Variants in BRWD1 observed in about 807,000 individuals in gnomAD.
The protein encoded by BRWD1 is bromodomain and WD repeat domain containing 1.
BRWD1 carries 82 observed loss-of-function variants against 251.2 expected under a neutral mutation model. The ratio of observed to expected loss-of-function variants is 0.33; its 90% confidence interval spans 0.27 to 0.39. The LOEUF (loss-of-function observed/expected upper bound fraction) is 0.39, where lower values mean the gene tolerates loss of function less well. Ranked by LOEUF, BRWD1 falls within the 10% of genes least tolerant of loss-of-function variation. The pLI, the probability that BRWD1 is intolerant of heterozygous loss-of-function variation, is 1.00. For synonymous variants in BRWD1, 918 were observed against 902.8 expected (o/e 1.02, Z -0.30); for missense variants, 2,233 against 2,711.6 (o/e 0.82, Z 3.92).
chr21:39,293,189 A>G (rs1326543814), intron 8 of BRWD1, among the ~76,000 whole-genome samples: 1 of 152,156 alleles, frequency 6.6e-6, no homozygotes, highest in African/African-American at 2.4e-5. Flanking sequence ...AAAAACTTTA[A>G]ATATTTTGGT....
intron 8 of BRWD1, among the ~76,000 whole-genome samples, chr21:39,282,598 T>C (rs1413762133): frequency 6.6e-6 from 1 of 152,200 alleles, no homozygotes; most frequent in East Asian, 1.9e-4. Flanking sequence ...GAATTGCTAA[T>C]TGGACAAAAA....
In BRWD1 at chr21:39,293,929, T is replaced by C. The variant is rs1387880095; in HGVS notation, c.713A>G (p.Tyr238Cys). 4.3e-6 allele frequency: 7 copies of C among 1,614,178 alleles called. No individual in the cohort carries two copies. The South Asian group carries it at 7.7e-5, about 18-fold the overall frequency. The change falls in exon 8 of 41, where the codon TAT (tyrosine) becomes TGT (cysteine). Residue 238 changes from tyrosine to cysteine, a missense_variant. Tyr to Cys is a radical substitution (Grantham distance 194, BLOSUM62 -2). This residue lies in a region of BRWD1 where 185 missense variants were observed against 260.6 expected (regional missense o/e 0.71). Transcript: ENST00000342449. Reference protein sequence around the residue: ...SAEISDMAVNYENTMIAAGSC... With the variant: ...SAEISDMAVNCENTMIAAGSC... ...CCCCGCAGCAATCATTGTATTCTCA[T>C]AGTTTACTGCCATATCTGAAATTTC...
At chr21:39,241,373 C>T (rs1601360526) in intron 21 of BRWD1, among the ~76,000 whole-genome samples, 1 of 147,102 alleles carries the variant, frequency 6.8e-6, no homozygotes, top group East Asian at 2.1e-4. Flanking sequence ...GAGGCTGAGG[C>T]AGGAGAATCG....
chr21:39,278,847 T>C, intron 9 of BRWD1, 34 bp from the exon 10 acceptor site: 1 of 1,466,746 alleles, frequency 6.8e-7, no homozygotes, highest in African/African-American at 1.4e-5. Flanking sequence ...TTAAAATAGA[T>C]TATTTTACCA....
At chr21:39,290,739 A>T (rs534802916) in intron 8 of BRWD1, among the ~76,000 whole-genome samples, 24 of 152,346 alleles carry the variant, frequency 1.6e-4, no homozygotes, top group African/African-American at 5.0e-4. Context: ...CCTAGCAAGA[A>T]TTTGAATTAA....
At position 39,186,978 on chromosome 21, in the gene BRWD1, C is replaced by T; in HGVS notation, c.*9281G>A. The T allele has an allele frequency of 6.6e-7, 1 of 1,516,114 alleles. No individual in the cohort carries two copies. The highest frequency in any genetic ancestry group is 8.8e-7 in the Non-Finnish European group (1 of 1,138,342). The allele number at this position is 1,516,114 out of a possible 1,614,324, so 93.9% of individuals were successfully genotyped here. A position where few individuals can be genotyped will look rare whatever the true frequency, so the allele number is the denominator to read the frequency against. On this transcript the variant is annotated 3_prime_UTR_variant, in exon 41 of 41. Transcript: ENST00000342449. ...GGAGCAGAATGTAACTGCCAGTTTA[C>T]TTGTGTACCAATTGTTTTCAGATGC...
At chr21:39,313,650 G>A (rs893270133), upstream of BRWD1, 24 of 478,280 alleles carry the variant, frequency 5.0e-5, no homozygotes, top group African/African-American at 4.5e-4. Flanking sequence ...CGCCTCCGCG[G>A]GGGAGGAAGT....
In BRWD1 at chr21:39,188,924, C is replaced by T. The variant is rs563326628; in HGVS notation, c.*7335G>A. 4.9e-5 allele frequency: 48 copies of T among 985,312 alleles called. No individual in the cohort carries two copies. The African/African-American group carries it at 7.7e-4, about 16-fold the overall frequency. 61.0% of individuals were successfully genotyped at this position (985,312 alleles called of 1,614,324 possible). On this transcript the variant is annotated 3_prime_UTR_variant, in exon 41 of 41. Transcript: ENST00000342449. ...TTTTACCAGAGTAAGACACTCATCA[C>T]GGCATTACTCTCATGCAGCATGCCC... is the stretch of plus-strand genomic sequence containing the variant.
At chr21:39,276,020 G>T (rs545142459) in intron 12 of BRWD1, among the ~76,000 whole-genome samples, 153 bp downstream of exon 12, 4 of 151,830 alleles carry the variant, frequency 2.6e-5, no homozygotes, top group South Asian at 4.2e-4. Flanking sequence ...CAACGAGAGC[G>T]AAACTCCATC....
intron 4 of BRWD1, among the ~76,000 whole-genome samples, chr21:39,306,075 T>C (rs2036278379): frequency 2.0e-5 from 3 of 149,330 alleles, no homozygotes; most frequent in Admixed American, 6.6e-5. Flanking sequence ...TAAGTATCTT[T>C]TTTTTTTTTT....
chr21:39,220,693 A>G (rs886257830), intron 29 of BRWD1, among the ~76,000 whole-genome samples: 2 of 152,248 alleles, frequency 1.3e-5, no homozygotes, highest in African/African-American at 4.8e-5. Flanking sequence ...TGCAGTTATT[A>G]TATTACGCAT....
intron 8 of BRWD1, among the ~76,000 whole-genome samples, chr21:39,287,048 A>C (rs1300735738): frequency 6.6e-5 from 10 of 152,332 alleles, no homozygotes. Flanking sequence ...CCTTGCTGAC[A>C]TCATCACTTC....
At position 39,195,351 on chromosome 21, in the gene BRWD1, C is replaced by T. The variant is rs926185532; in HGVS notation, c.*908G>A. The T allele has an allele frequency of 6.1e-6, 6 of 989,830 alleles. No homozygotes were observed. The highest frequency in any genetic ancestry group is 1.7e-5 in the African/African-American group (1 of 57,198). 61.3% of individuals were successfully genotyped at this position (989,830 alleles called of 1,614,324 possible). A position where few individuals can be genotyped will look rare whatever the true frequency, so the allele number is the denominator to read the frequency against. On this transcript the variant is annotated 3_prime_UTR_variant, in exon 41 of 41. Coordinates refer to ENST00000342449, the MANE Select transcript of BRWD1 (RefSeq NM_033656.4). ...ACTTAAATACTCTTTTAGCCCTGTA[C>T]ACTCTATTAAAGAACACACTTCTAA...
At chr21:39,234,189 C>T (rs922631739) in intron 23 of BRWD1, among the ~76,000 whole-genome samples, 1 of 152,070 alleles carries the variant, frequency 6.6e-6, no homozygotes, top group Non-Finnish European at 1.5e-5. Context: ...AATACCAGAT[C>T]CTGGGGAAGC....
chr21:39,197,473 T>G (rs914521472), intron 40 of BRWD1, 58 bp from the exon 41 acceptor site: 1 of 1,366,280 alleles, frequency 7.3e-7, no homozygotes. Context: ...GAATTATATG[T>G]TCAATATTAA....
chr21:39,269,815 G>T, intron 15 of BRWD1, 84 bp downstream of exon 15: 1 of 1,210,788 alleles, frequency 8.3e-7, no homozygotes, highest in Non-Finnish European at 1.1e-6. Context: ...AAAACAAGCA[G>T]ATCAATTTCT....
At chr21:39,270,064 G>A in intron 14 of BRWD1, 31 bp from the exon 15 acceptor site, 1 of 1,497,478 alleles carries the variant, frequency 6.7e-7, no homozygotes, top group Non-Finnish European at 8.9e-7. Context: ...ACATTAAGGA[G>A]GGTTTACAAG....
chr21:39,209,975 T>C lies in BRWD1; in HGVS notation c.4197+20A>G, dbSNP rs1402118570. 2 of 1,606,138 alleles carry C rather than the reference T, an allele frequency of 1.2e-6. No homozygotes were observed. Among genetic ancestry groups the C allele is most frequent in the Admixed American group, 1.7e-5 (1 of 58,492 alleles). On this transcript the variant is annotated intron_variant, in intron 36 of 40. Coordinates refer to ENST00000342449, the MANE Select transcript of BRWD1 (RefSeq NM_033656.4). ...ACACAGATCAGGCAGTTTTTTTCAA[T>C]AAACCACATAAAAAATTACCTTTGA...
At position 39,265,030 on chromosome 21, in the gene BRWD1, C is replaced by T; in HGVS notation, c.1531-11G>A. On this transcript the variant is annotated splice_polypyrimidine_tract_variant and intron_variant, in intron 15 of 40. Coordinates refer to ENST00000342449, the MANE Select transcript of BRWD1 (RefSeq NM_033656.4). ...TCCTTGTCCTTCAATCTAGGAAACACAAAAGGAAAAAAGTTAGGACCAATT... is the reference window on the plus strand; with the variant it reads ...TCCTTGTCCTTCAATCTAGGAAACATAAAAGGAAAAAAGTTAGGACCAATT... The T allele has an allele frequency of 1.3e-6, 2 of 1,592,890 alleles. No homozygotes were observed. The highest frequency in any genetic ancestry group is 1.7e-6 in the Non-Finnish European group (2 of 1,172,848).
Sources: gnomAD v4.1 joint callset for allele counts (sites outside exome capture counted in the v4.1 genomes callset) on GRCh38, gnomAD v4.1.1 for gene constraint, gnomAD v4.1.1 regional missense constraint, MANE v1.5 for transcripts, NCBI Gene and HGNC (gene_info 2026-07-23, HGNC 2026-07-21) for gene names.